The following C11orf16 variants were observed in gnomAD, a reference collection of about 807,000 sequenced individuals.
C11orf16 encodes chromosome 11 open reading frame 16, also known as uncharacterized protein C11orf16.
A neutral mutation model predicts 45.1 loss-of-function variants in C11orf16; 38 were observed. The ratio of observed to expected loss-of-function variants is 0.84; its 90% confidence interval spans 0.65 to 1.10. C11orf16 has a LOEUF of 1.10. Ranked by LOEUF, C11orf16 falls within the 50% of genes least tolerant of loss-of-function variation. The pLI, the probability that C11orf16 is intolerant of heterozygous loss-of-function variation, is 0.00. For missense variants in C11orf16, 583 were observed against 569.5 expected (o/e 1.02, Z -0.24); for synonymous variants, 221 against 222.0 (o/e 1.00, Z 0.04).
rs1357851615 is a variant in C11orf16 at position 8,927,093 on chromosome 11, C to T, written c.406G>A (p.Val136Met). 2 of 1,614,196 alleles carry T rather than the reference C, an allele frequency of 1.2e-6. No individual in the cohort carries two copies. Among genetic ancestry groups the T allele is most frequent in the South Asian group, 1.1e-5 (1 of 91,082 alleles). Residue 136 changes from valine (V) to methionine (M), a missense_variant, in exon 4 of 7, where the codon GTG (valine) becomes ATG (methionine). Val to Met is a conservative substitution (Grantham distance 21). Transcript: ENST00000326053. Reference protein sequence around the residue: ...GPKLPAQQQRVVLEEDVIPLS... With the variant: ...GPKLPAQQQRMVLEEDVIPLS... ...GGAATGACATCCTCTTCTAAGACCA[C>T]TCTCTGCTGCTGGGCTGGCAGCTTT...
chr11:8,925,913 G>A lies in C11orf16; in HGVS notation c.754C>T (p.Arg252Cys), dbSNP rs756316547. 1.2e-5 allele frequency: 19 copies of A among 1,614,080 alleles called. No individual in the cohort carries two copies. Among genetic ancestry groups the A allele is most frequent in the African/African-American group, 2.7e-5 (2 of 74,936 alleles). Residue 252 changes from arginine (R) to cysteine (C), a missense_variant, in exon 5 of 7, where the codon CGC becomes TGC. Transcript: ENST00000326053. ...CCSLLGPITGRITNELPPDAP... is the reference protein window; with the variant it reads ...CCSLLGPITGCITNELPPDAP... ...TCCGGAGGAAGCTCATTAGTGATGC[G>A]CCCAGTGATTGGCCCTAGCAGAGAG...
At position 8,923,910 on chromosome 11, in the gene C11orf16, G is replaced by A. The variant is rs375760915; in HGVS notation, c.1204+1553C>T. ...GTGAGCCACTGTGCCCAGCGAAATC[G>A]CCACTTCTGAGTGGCTGCTGCCAAG... On this transcript the variant is annotated intron_variant, in intron 5 of 6. Transcript: ENST00000326053. 1.4e-4 allele frequency among the ~76,000 whole-genome samples: 18 copies of A among 132,768 alleles called. No homozygotes were observed. In the East Asian group the frequency reaches 2.6e-3, roughly 19 times the overall value. 87.1% of individuals were successfully genotyped at this position (132,768 alleles called of 152,430 possible).
In C11orf16 at chr11:8,928,136, G is replaced by A. The variant is rs111848502; in HGVS notation, c.325-962C>T. ...TTGGCCAGGCTGGTCTCGAATTTCTGATCTCAGGTAACCCACCCTTCTTGG... is the reference window on the plus strand; with the variant it reads ...TTGGCCAGGCTGGTCTCGAATTTCTAATCTCAGGTAACCCACCCTTCTTGG... On this transcript the variant is annotated intron_variant, in intron 3 of 6. Coordinates refer to ENST00000326053, the MANE Select transcript of C11orf16 (RefSeq NM_020643.3). Among the ~76,000 whole-genome samples, 114 of 152,182 alleles carry A rather than the reference G, an allele frequency of 7.5e-4. 1 individual carries two copies. Among genetic ancestry groups the A allele is most frequent in the African/African-American group, 2.7e-3 (111 of 41,512 alleles).
intron 3 of C11orf16, among the ~76,000 whole-genome samples, chr11:8,928,019 T>G (rs2064626383): frequency 6.6e-6 from 1 of 152,164 alleles, no homozygotes; most frequent in Non-Finnish European, 1.5e-5. Flanking sequence ...GCGATTCTCC[T>G]GTCTCAGGTT....
chr11:8,925,727 G>T lies in C11orf16; in HGVS notation c.940C>A (p.Gln314Lys). The change falls in exon 5 of 7, where the codon CAG becomes AAG. Residue 314 changes from glutamine to lysine, a missense_variant. By Grantham distance (53) the Gln-to-Lys change is moderately conservative. Transcript: ENST00000326053. The stretch of plus-strand genomic sequence containing the variant: ...TTAGGACCTTCCAGGGGCAAAAGCT[G>T]TGCTGTGGGCTCCAACTCTGGAAGT... Reference protein sequence around the residue: ...RELPELEPTAQLLPLEGPKEE... With the variant: ...RELPELEPTAKLLPLEGPKEE... 2 of 1,614,248 alleles carry T rather than the reference G, an allele frequency of 1.2e-6. No individual in the cohort carries two copies. The highest frequency in any genetic ancestry group is 1.7e-6 in the Non-Finnish European group (2 of 1,180,044).
intron 2 of C11orf16, 72 bp from the exon 3 acceptor site, chr11:8,929,605 A>T: frequency 2.2e-6 from 3 of 1,392,668 alleles, no homozygotes; most frequent in African/African-American, 2.9e-5. Flanking sequence ...CACGTTTCGC[A>T]GGTACATCTG....
At position 8,921,282 on chromosome 11, in the gene C11orf16, A is replaced by G; in HGVS notation, c.*22+12T>C. 6.2e-7 allele frequency: 1 copy of G among 1,610,300 alleles called. No homozygotes were observed. Among genetic ancestry groups the G allele is most frequent in the African/African-American group, 1.3e-5 (1 of 74,928 alleles). ...GTCCTTAGGAAGCCCCTTTCCAGCCATTCTGCTTTACCTAGATCCTCAGGG... is the reference window on the plus strand; with the variant it reads ...GTCCTTAGGAAGCCCCTTTCCAGCCGTTCTGCTTTACCTAGATCCTCAGGG... On this transcript the variant is annotated intron_variant, in intron 6 of 6. Coordinates refer to ENST00000326053, the MANE Select transcript of C11orf16 (RefSeq NM_020643.3).
At chr11:8,926,730 C>T (rs1589933841) in intron 4 of C11orf16, among the ~76,000 whole-genome samples, 1 of 151,924 alleles carries the variant, frequency 6.6e-6, no homozygotes, top group East Asian at 1.9e-4. Flanking sequence ...ACCCTGATTA[C>T]AATTTTTTTT....
In C11orf16 at chr11:8,930,849, C is replaced by CCCCTCAGCCT. The variant is rs1289129263; in HGVS notation, c.167+1283_167+1292dup. ...GACCCATGCTGAGCTGCCCTCAGCCCCCCTCAGCCTCCTTCCTGTGCTTGT... is the reference window on the plus strand; with the variant it reads ...GACCCATGCTGAGCTGCCCTCAGCCCCCCTCAGCCTCCCTCAGCCTCCTTCCTGTGCTTGT... On this transcript the variant is annotated intron_variant, in intron 2 of 6. Coordinates refer to ENST00000326053, the MANE Select transcript of C11orf16 (RefSeq NM_020643.3). 7.2e-5 allele frequency among the ~76,000 whole-genome samples: 11 copies of CCCCTCAGCCT among 152,252 alleles called. No individual in the cohort carries two copies. The East Asian group carries it at 1.5e-3, about 21-fold the overall frequency.
intron 2 of C11orf16, among the ~76,000 whole-genome samples, chr11:8,930,622 C>T (rs2064644019): frequency 6.6e-6 from 1 of 151,888 alleles, no homozygotes; most frequent in Non-Finnish European, 1.5e-5. Flanking sequence ...GGCTGTGGGA[C>T]AGAAAAAGGA....
rs1237146502 is a variant in C11orf16, at chr11:8,927,107, G to A, written c.392C>T (p.Ala131Val). 1.2e-6 allele frequency: 2 copies of A among 1,614,138 alleles called. No homozygotes were observed. Among genetic ancestry groups the A allele is most frequent in the Non-Finnish European group, 1.7e-6 (2 of 1,180,016 alleles). ...APLVAGPKLPAQQQRVVLEED... is the reference protein window; with the variant it reads ...APLVAGPKLPVQQQRVVLEED... ...TTCTAAGACCACTCTCTGCTGCTGG[G>A]CTGGCAGCTTTGGGCCTGCGACAAG... is the stretch of plus-strand genomic sequence containing the variant. Residue 131 changes from alanine to valine, a missense_variant, in exon 4 of 7, where the codon GCC becomes GTC. Coordinates refer to ENST00000326053, the MANE Select transcript of C11orf16 (RefSeq NM_020643.3).
intron 5 of C11orf16, among the ~76,000 whole-genome samples, chr11:8,925,233 T>C (rs1241403412): frequency 2.0e-5 from 3 of 152,236 alleles, no homozygotes; most frequent in Non-Finnish European, 1.5e-5. Context: ...GATGCAACCT[T>C]AGCACAAAGA....
At chr11:8,928,325 AAAG>A (rs1396545603) in intron 3 of C11orf16, among the ~76,000 whole-genome samples, 1 of 152,132 alleles carries the variant, frequency 6.6e-6, no homozygotes, top group African/African-American at 2.4e-5. Flanking sequence ...AAGAAAAAAA[AAAG>A]AAGTGAGTAG....
At position 8,930,877 on chromosome 11, in the gene C11orf16, G is replaced by A. The variant is rs149777253; in HGVS notation, c.167+1265C>T. On this transcript the variant is annotated intron_variant, in intron 2 of 6. Coordinates refer to ENST00000326053, the MANE Select transcript of C11orf16 (RefSeq NM_020643.3). ...CTCAGCCTCCTTCCTGTGCTTGTTG[G>A]CATCTAAAGTCCCATGCTTAACTCT... Among the ~76,000 whole-genome samples the A allele has an allele frequency of 5.1e-3, 781 of 152,194 alleles. 4 individuals are homozygous for A. The highest frequency in any genetic ancestry group is 0.018 in the African/African-American group (735 of 41,510).
At chr11:8,930,977 T>A (rs1304234192) in intron 2 of C11orf16, among the ~76,000 whole-genome samples, 3 of 152,166 alleles carry the variant, frequency 2.0e-5, no homozygotes, top group Non-Finnish European at 4.4e-5. Flanking sequence ...GGCATGTCCC[T>A]AATGTGGGCA....
At position 8,932,148 on chromosome 11, in the gene C11orf16, A is replaced by AG. The variant is rs1566114944; in HGVS notation, c.160dup (p.Leu54ProfsTer105). ...GAGGGGCAGAGACAGGTACCTTGCA[A>AG]GGGGCTTGTGCCCGGTGAGCCAGGG... On this transcript the variant is annotated frameshift_variant, in exon 2 of 7. Coordinates refer to ENST00000326053, the MANE Select transcript of C11orf16 (RefSeq NM_020643.3). LOFTEE classifies it high-confidence loss of function. 1 of 1,579,540 alleles carries AG rather than the reference A, an allele frequency of 6.3e-7. No homozygotes were observed. The highest frequency in any genetic ancestry group is 1.9e-5 in the Admixed American group (1 of 53,198).
chr11:8,931,288 G>A (rs2064648432), intron 2 of C11orf16, among the ~76,000 whole-genome samples: 1 of 151,740 alleles, frequency 6.6e-6, no homozygotes, highest in African/African-American at 2.4e-5. Context: ...CAGTGGCGCT[G>A]TCTCGGCTCA....
intron 4 of C11orf16, 78 bp from the exon 5 acceptor site, chr11:8,926,185 C>CTTTTTTTT (rs59858402): frequency 2.6e-4 from 230 of 888,930 alleles, no homozygotes; most frequent in African/African-American, 5.5e-4. Context: ...TTTTTCTTTT[C>CTTTTTTTT]TTTTTTTTTT....
intron 5 of C11orf16, among the ~76,000 whole-genome samples, chr11:8,922,889 TGTG>T (rs2064584664): frequency 6.6e-6 from 1 of 152,252 alleles, no homozygotes; most frequent in Non-Finnish European, 1.5e-5. Context: ...GTCCCACACA[TGTG>T]GTGAGGGCGG....
Sources: allele counts gnomAD v4.1 joint callset (sites outside exome capture counted in the v4.1 genomes callset), GRCh38; gene constraint gnomAD v4.1.1; transcripts MANE v1.5; gene names NCBI Gene and HGNC (gene_info 2026-07-23, HGNC 2026-07-21).